CCDC148: variants seen among roughly 807,000 people sequenced by gnomAD.
CCDC148 encodes the protein coiled-coil domain-containing protein 148.
Under a neutral mutation model 85.7 loss-of-function variants are expected in CCDC148, and 89 were observed. The observed-to-expected ratio is 1.04, with a 90% CI of 0.87 to 1.24. The LOEUF (loss-of-function observed/expected upper bound fraction) is 1.24. Among genes scored for constraint, CCDC148 ranks in the 50% most tolerant of loss-of-function variants. CCDC148 has a pLI of 0.00. For missense variants in CCDC148, 692 were observed against 671.7 expected (o/e 1.03, Z -0.33); for synonymous variants, 230 against 213.9 (o/e 1.08, Z -0.66).
intron 11 of CCDC148, among the ~76,000 whole-genome samples, chr2:158,215,449 C>T (rs1051660936): frequency 6.6e-6 from 1 of 152,086 alleles, no homozygotes; most frequent in Non-Finnish European, 1.5e-5. Context: ...AGCTGTATGC[C>T]ATGGTTCAGA....
intron 7 of CCDC148, among the ~76,000 whole-genome samples, chr2:158,326,486 G>A (rs1032150733): frequency 1.3e-5 from 2 of 152,018 alleles, no homozygotes; most frequent in Non-Finnish European, 2.9e-5. Context: ...TATATTTTAT[G>A]CCAATAAATG....
At chr2:158,214,262 G>C (rs1686736423) in intron 11 of CCDC148, among the ~76,000 whole-genome samples, 1 of 151,358 alleles carries the variant, frequency 6.6e-6, no homozygotes, top group Admixed American at 6.6e-5. Flanking sequence ...TATACATTTC[G>C]CTATCCAGTT....
chr2:158,373,731 C>T (rs1684542305), intron 1 of CCDC148, among the ~76,000 whole-genome samples: 1 of 152,032 alleles, frequency 6.6e-6, no homozygotes. Flanking sequence ...CCATCTCTGG[C>T]AATGTCATCT....
chr2:158,308,819 C>T (rs1336729230), intron 9 of CCDC148, among the ~76,000 whole-genome samples: 1 of 152,194 alleles, frequency 6.6e-6, no homozygotes, highest in Non-Finnish European at 1.5e-5. Context: ...GCCACTAAAG[C>T]AGCTCCTCTA....
At chr2:158,177,011 G>T (rs532081155) in intron 12 of CCDC148, among the ~76,000 whole-genome samples, 1 of 151,898 alleles carries the variant, frequency 6.6e-6, no homozygotes, top group Non-Finnish European at 1.5e-5. Flanking sequence ...GAAAGTCACA[G>T]AAAGTAAAAA....
chr2:158,267,003 G>A (rs1689494966), intron 9 of CCDC148, among the ~76,000 whole-genome samples: 1 of 150,568 alleles, frequency 6.6e-6, no homozygotes, highest in Admixed American at 6.7e-5. Context: ...CTCCATTGAT[G>A]GGCATGAAAT....
rs190688186 is a variant in CCDC148 at position 158,395,923 on chromosome 2, T to C, written c.26-37353A>G. On this transcript the variant is annotated intron_variant, in intron 1 of 13. Transcript: ENST00000283233. ...TTAAGAATACAATCATTATTACTTA[T>C]GTGATTTCTTTCAGTCTTTATACAA... Among the ~76,000 whole-genome samples, 72 of 152,282 alleles carry C rather than the reference T, an allele frequency of 4.7e-4. 1 individual carries two copies. In the East Asian group the frequency reaches 7.0e-3, roughly 15 times the overall value.
chr2:158,297,296 C>A (rs183832283), intron 9 of CCDC148, among the ~76,000 whole-genome samples: 11 of 152,264 alleles, frequency 7.2e-5, no homozygotes, highest in Middle Eastern at 3.4e-3. Flanking sequence ...GCAAATACCC[C>A]CTAAATGACG....
chr2:158,305,975 T>C (rs1382476674), intron 9 of CCDC148, among the ~76,000 whole-genome samples: 1 of 152,142 alleles, frequency 6.6e-6, no homozygotes, highest in Non-Finnish European at 1.5e-5. Context: ...GAATCTAAAA[T>C]GCATTATGCT....
chr2:158,232,449 T>C (rs989955563), intron 10 of CCDC148, among the ~76,000 whole-genome samples: 2 of 152,074 alleles, frequency 1.3e-5, no homozygotes, highest in Non-Finnish European at 2.9e-5. Context: ...AATATTAGAG[T>C]ATCTCAAAGT....
At chr2:158,180,285 T>A (rs190412919) in intron 11 of CCDC148, among the ~76,000 whole-genome samples, 1 of 152,210 alleles carries the variant, frequency 6.6e-6, no homozygotes, top group Non-Finnish European at 1.5e-5. Flanking sequence ...GTGCTTTATA[T>A]GTTTTAGGTC....
chr2:158,352,953 A>T (rs966810359), intron 2 of CCDC148, among the ~76,000 whole-genome samples: 17 of 150,438 alleles, frequency 1.1e-4, no homozygotes, highest in Non-Finnish European at 2.4e-4. Flanking sequence ...TTTTCAACCC[A>T]GAATTTCATA....
intron 9 of CCDC148, among the ~76,000 whole-genome samples, chr2:158,285,214 G>A (rs561559496): frequency 1.3e-3 from 196 of 151,468 alleles, no homozygotes; most frequent in Non-Finnish European, 2.3e-3. Flanking sequence ...CTTGAACCTC[G>A]GAGACAGAGG....
chr2:158,184,515 CTG>C (rs1373330156), intron 11 of CCDC148, among the ~76,000 whole-genome samples: 6 of 152,242 alleles, frequency 3.9e-5, no homozygotes, highest in East Asian at 1.9e-4. Context: ...TAAATGAACA[CTG>C]TAGTAAAATC....
At chr2:158,285,203 G>A (rs531738922) in intron 9 of CCDC148, among the ~76,000 whole-genome samples, 7 of 151,096 alleles carry the variant, frequency 4.6e-5, no homozygotes, top group African/African-American at 7.3e-5. Context: ...CAGGAGAATC[G>A]CTTGAACCTC....
At chr2:158,234,955 A>G (rs1688031188) in intron 10 of CCDC148, among the ~76,000 whole-genome samples, 1 of 152,138 alleles carries the variant, frequency 6.6e-6, no homozygotes, top group African/African-American at 2.4e-5. Context: ...ATACTTTATA[A>G]TTACACAATG....
chr2:158,383,573 T>G lies in CCDC148; in HGVS notation c.26-25003A>C, dbSNP rs916783313. ...ATTTTCAGTGAAAGAAAAATTTTTT[T>G]CTTTTTAAAATTTAAGTTATGTTTT... On this transcript the variant is annotated intron_variant, in intron 1 of 13. Coordinates refer to ENST00000283233, the MANE Select transcript of CCDC148 (RefSeq NM_138803.4). Among the ~76,000 whole-genome samples, 5 of 152,074 alleles carry G rather than the reference T, an allele frequency of 3.3e-5. No individual in the cohort carries two copies. The East Asian group carries it at 9.7e-4, about 29-fold the overall frequency.
chr2:158,300,360 A>T (rs186118948), intron 9 of CCDC148, among the ~76,000 whole-genome samples: 1 of 152,320 alleles, frequency 6.6e-6, no homozygotes, highest in East Asian at 1.9e-4. Context: ...TTACACCAAG[A>T]TGAATAAGAT....
chr2:158,190,766 A>C (rs1327471820), intron 11 of CCDC148, among the ~76,000 whole-genome samples: 1 of 152,020 alleles, frequency 6.6e-6, no homozygotes, highest in Admixed American at 6.6e-5. Flanking sequence ...TCTTATGCTA[A>C]TTTTGTTTGT....
Sources: allele counts gnomAD v4.1 joint callset (sites outside exome capture counted in the v4.1 genomes callset), GRCh38; gene constraint gnomAD v4.1.1; transcripts MANE v1.5; gene names NCBI Gene and HGNC (gene_info 2026-07-23, HGNC 2026-07-21).